The following IL1RAPL1 variants were observed in gnomAD, a reference collection of about 807,000 sequenced individuals.
IL1RAPL1 encodes the protein interleukin 1 receptor accessory protein like 1, also known as interleukin-1 receptor accessory protein-like 1.
IL1RAPL1 carries 3 observed loss-of-function variants against 48.4 expected under a neutral mutation model. The observed-to-expected ratio is 0.06, with a 90% CI of 0.03 to 0.16. The LOEUF (loss-of-function observed/expected upper bound fraction) is 0.16, where lower values mean the gene tolerates loss of function less well. IL1RAPL1 is among the 10% of genes least tolerant of loss of function. IL1RAPL1 has a pLI of 1.00. For missense variants in IL1RAPL1, 349 were observed against 530.6 expected (o/e 0.66, Z 3.36); for synonymous variants, 185 against 187.7 (o/e 0.99, Z 0.12).
At chrX:28,964,017 G>A (rs1377435356) in intron 2 of IL1RAPL1, among the ~76,000 whole-genome samples, 1 of 111,094 alleles carries the variant, frequency 9.0e-6, no homozygotes, top group Non-Finnish European at 1.9e-5. Context: ...CTTCGTAATT[G>A]TGACTTAATC....
chrX:29,609,693 G>A (rs1459821346), intron 5 of IL1RAPL1, among the ~76,000 whole-genome samples: 1 of 112,075 alleles, frequency 8.9e-6, no homozygotes, highest in African/African-American at 3.2e-5. Context: ...AATATAATTA[G>A]TCAAAAATAA....
intron 5 of IL1RAPL1, among the ~76,000 whole-genome samples, chrX:29,525,963 C>G (rs1032863491): frequency 4.5e-5 from 5 of 111,572 alleles, no homozygotes; most frequent in Middle Eastern, 4.6e-3. Context: ...TAAACATTAT[C>G]TTCAGCAGAG....
chrX:29,475,057 C>T (rs1934958989), intron 5 of IL1RAPL1, among the ~76,000 whole-genome samples: 1 of 112,242 alleles, frequency 8.9e-6, no homozygotes, highest in Non-Finnish European at 1.9e-5. Context: ...TGGCACCATG[C>T]CTGTTAGATG....
At chrX:29,315,090 A>C (rs1185996388) in intron 3 of IL1RAPL1, among the ~76,000 whole-genome samples, 1 of 111,571 alleles carries the variant, frequency 9.0e-6, no homozygotes, top group East Asian at 2.8e-4. Context: ...TTAGTCAGCC[A>C]AGGGTCCGAT....
At chrX:29,282,218 T>C (rs965048109) in intron 2 of IL1RAPL1, among the ~76,000 whole-genome samples, 1 of 112,451 alleles carries the variant, frequency 8.9e-6, no homozygotes, top group African/African-American at 3.2e-5. Flanking sequence ...GAGGAATGGC[T>C]ACCATTAGCC....
rs764397193 is a variant in IL1RAPL1, at chrX:29,695,712, T to C, written c.778+27208T>C. 2.7e-5 allele frequency among the ~76,000 whole-genome samples: 3 copies of C among 110,846 alleles called. No homozygotes were observed. The East Asian group carries it at 8.6e-4, about 32-fold the overall frequency. On this transcript the variant is annotated intron_variant, in intron 6 of 10. Transcript: ENST00000378993. ...GATTCATCCTTACGTCATAATTACC[T>C]GCCAAAGGCCCCAACTCCAAATGCC...
At chrX:28,755,010 T>C (rs1358441790) in intron 1 of IL1RAPL1, among the ~76,000 whole-genome samples, 2 of 112,105 alleles carry the variant, frequency 1.8e-5, no homozygotes, top group African/African-American at 6.5e-5. Flanking sequence ...TGTTTTTTTT[T>C]GAGATAGAGT....
chrX:29,363,557 C>T (rs1270173439), intron 3 of IL1RAPL1, among the ~76,000 whole-genome samples: 1 of 111,296 alleles, frequency 9.0e-6, no homozygotes, highest in Non-Finnish European at 1.9e-5. Flanking sequence ...GTTCTCACAT[C>T]GCTATAAGGA....
intron 2 of IL1RAPL1, among the ~76,000 whole-genome samples, chrX:29,215,305 T>C (rs1214862367): frequency 9.3e-6 from 1 of 107,826 alleles, no homozygotes; most frequent in Admixed American, 1.0e-4. Flanking sequence ...ATGGCACCGT[T>C]GCATTCCAGC....
intron 3 of IL1RAPL1, among the ~76,000 whole-genome samples, chrX:29,308,617 A>C (rs1395704271): frequency 8.9e-6 from 1 of 112,380 alleles, no homozygotes; most frequent in African/African-American, 3.2e-5. Context: ...AACAGAATTA[A>C]ACAATATGTG....
chrX:28,760,712 A>C (rs1174232087), intron 1 of IL1RAPL1, among the ~76,000 whole-genome samples: 10 of 112,097 alleles, frequency 8.9e-5, no homozygotes, highest in Non-Finnish European at 1.3e-4. Flanking sequence ...AATGCTCAAC[A>C]TCACTGATCA....
chrX:29,401,348 G>A (rs1282999131), intron 5 of IL1RAPL1, among the ~76,000 whole-genome samples: 4 of 111,272 alleles, frequency 3.6e-5, no homozygotes, highest in Non-Finnish European at 7.5e-5. Context: ...AGAGCTACAT[G>A]CCCTAGAATT....
intron 5 of IL1RAPL1, among the ~76,000 whole-genome samples, chrX:29,419,085 G>A (rs1351092910): frequency 9.0e-6 from 1 of 111,684 alleles, no homozygotes; most frequent in African/African-American, 3.3e-5. Context: ...GCTACTTCTG[G>A]TGCTGTTCAA....
At chrX:29,763,475 T>TAGTCA (rs1168912532) in intron 6 of IL1RAPL1, among the ~76,000 whole-genome samples, 1 of 111,170 alleles carries the variant, frequency 9.0e-6, no homozygotes, top group African/African-American at 3.3e-5. Flanking sequence ...AAAATACTCA[T>TAGTCA]AGTAACAGTA....
chrX:29,914,764 G>GT (rs1177279154), intron 6 of IL1RAPL1, among the ~76,000 whole-genome samples: 1 of 111,992 alleles, frequency 8.9e-6, no homozygotes, highest in Admixed American at 9.5e-5. Flanking sequence ...ATTTGAAACT[G>GT]TTTTGTAATG....
intron 2 of IL1RAPL1, among the ~76,000 whole-genome samples, chrX:28,906,200 G>C (rs1458305323): frequency 8.9e-6 from 1 of 112,730 alleles, no homozygotes; most frequent in Non-Finnish European, 1.9e-5. Context: ...AACCACCCCC[G>C]TGATCTGATC....
chrX:29,902,016 C>T (rs762562575), intron 6 of IL1RAPL1, among the ~76,000 whole-genome samples: 1 of 112,111 alleles, frequency 8.9e-6, no homozygotes, highest in African/African-American at 3.2e-5. Context: ...AAGCAAATCA[C>T]GAGGTACTTC....
At chrX:29,925,410 C>CTTTT (rs1569204989) in intron 8 of IL1RAPL1, among the ~76,000 whole-genome samples, 5 of 6,073 alleles carry the variant, frequency 8.2e-4, no homozygotes, top group East Asian at 7.0e-3. Flanking sequence ...TGTCCCGTAA[C>CTTTT]TGTTTTTTTT....
chrX:28,979,504 A>G (rs1053475787), intron 2 of IL1RAPL1, among the ~76,000 whole-genome samples: 2 of 111,637 alleles, frequency 1.8e-5, no homozygotes, highest in African/African-American at 3.3e-5. Flanking sequence ...AGCCAATTCA[A>G]TTTTTCTTCT....
Sources: gnomAD v4.1 joint callset for allele counts (sites outside exome capture counted in the v4.1 genomes callset) on GRCh38, gnomAD v4.1.1 for gene constraint, MANE v1.5 for transcripts, NCBI Gene and HGNC (gene_info 2026-07-23, HGNC 2026-07-21) for gene names.